The following PCDHGB3 variants were observed in gnomAD, a reference collection of about 807,000 sequenced individuals.
PCDHGB3 encodes the protein protocadherin gamma subfamily B, 3.
A neutral mutation model predicts 59.2 loss-of-function variants in PCDHGB3; 40 were observed. The observed-to-expected ratio is 0.68, with a 90% CI of 0.52 to 0.88. PCDHGB3 has a LOEUF of 0.88. PCDHGB3 is among the 40% of genes least tolerant of loss of function. PCDHGB3 has a pLI of 0.00. For missense variants in PCDHGB3, 1,309 were observed against 1,187.9 expected, an observed-to-expected ratio of 1.10 and a Z score of -1.50; for synonymous variants, 581 against 503.6, an observed-to-expected ratio of 1.15 and a Z score of -2.06.
chr5:141,388,447 G>C (rs775979306), intron 1 of PCDHGB3: 2 of 1,613,802 alleles, frequency 1.2e-6, no homozygotes, highest in Non-Finnish European at 1.7e-6. Flanking sequence ...AAATCAGATG[G>C]CAGTAAATAC....
In PCDHGB3 at chr5:141,431,964, A is replaced by G; in HGVS notation, c.2415+59155A>G. On this transcript the variant is annotated intron_variant, in intron 1 of 3. Coordinates refer to ENST00000576222, the MANE Select transcript of PCDHGB3 (RefSeq NM_018924.5). The surrounding 1 kb of genome is among the most constrained non-coding windows in gnomAD (Gnocchi z 4.8). Reference sequence around the variant, plus strand: ...TTAGAAAAATCTTACGGAAATTACTATAGTTTAGTCACAGACATAGTCTTG... The same window carrying G: ...TTAGAAAAATCTTACGGAAATTACTGTAGTTTAGTCACAGACATAGTCTTG... 2.5e-6 allele frequency: 4 copies of G among 1,614,218 alleles called. No individual in the cohort carries two copies. The highest frequency in any genetic ancestry group is 2.5e-6 in the Non-Finnish European group (3 of 1,180,028).
chr5:141,501,419 C>A (rs910783867), intron 2 of PCDHGB3, among the ~76,000 whole-genome samples: 1 of 151,920 alleles, frequency 6.6e-6, no homozygotes, highest in Non-Finnish European at 1.5e-5. Flanking sequence ...AAATAGTTGA[C>A]TAAATGTAGT....
intron 1 of PCDHGB3, among the ~76,000 whole-genome samples, chr5:141,429,369 G>A (rs1368624471): frequency 6.7e-6 from 1 of 148,994 alleles, no homozygotes; most frequent in Non-Finnish European, 1.5e-5. Context: ...AGAAAATGGA[G>A]AAAATGTGTT....
chr5:141,408,669 C>T lies in PCDHGB3; in HGVS notation c.2415+35860C>T, dbSNP rs2095146839. ...GCTGGTACACGACTATCGCTTGACCCTGCCACGGATCCTGATATAAACATA... is the reference window on the plus strand; with the variant it reads ...GCTGGTACACGACTATCGCTTGACCTTGCCACGGATCCTGATATAAACATA... On this transcript the variant is annotated intron_variant, in intron 1 of 3. Transcript: ENST00000576222. The T allele has an allele frequency of 2.5e-6, 4 of 1,613,988 alleles. No homozygotes were observed. Among genetic ancestry groups the T allele is most frequent in the South Asian group, 2.2e-5 (2 of 91,078 alleles).
At chr5:141,374,619 C>G in intron 1 of PCDHGB3, 2 of 1,613,466 alleles carry the variant, frequency 1.2e-6, no homozygotes, top group Non-Finnish European at 1.7e-6. Flanking sequence ...AGTCACTTCT[C>G]AGTGGACGTG....
chr5:141,393,851 A>T (rs758721118), intron 1 of PCDHGB3: 2 of 1,613,988 alleles, frequency 1.2e-6, no homozygotes, highest in Non-Finnish European at 1.7e-6. Context: ...ATAGACCAGA[A>T]GTGATCATTA....
chr5:141,438,308 C>G (rs2097949954), intron 1 of PCDHGB3, among the ~76,000 whole-genome samples: 1 of 151,766 alleles, frequency 6.6e-6, no homozygotes, highest in Non-Finnish European at 1.5e-5. Context: ...GAAGTTGGTA[C>G]CACCATAATT....
intron 1 of PCDHGB3, chr5:141,413,467 G>C: frequency 1.2e-6 from 2 of 1,614,136 alleles, no homozygotes; most frequent in East Asian, 2.2e-5. Context: ...AGACCGGGAG[G>C]AGCTCTGCGC....
Position 141,429,441 on chromosome 5 carries a change from T to C in PCDHGB3, c.2415+56632T>C, listed in dbSNP as rs541676798. On this transcript the variant is annotated intron_variant, in intron 1 of 3. Transcript: ENST00000576222. ...TGTTGCCCAGGCTGGACTCAAACTCTTGGGCTACAGTAATCCTCCCACCTC... is the reference window on the plus strand; with the variant it reads ...TGTTGCCCAGGCTGGACTCAAACTCCTGGGCTACAGTAATCCTCCCACCTC... 1.5e-4 allele frequency among the ~76,000 whole-genome samples: 23 copies of C among 152,170 alleles called. No individual in the cohort carries two copies. The South Asian group carries it at 4.6e-3, about 30-fold the overall frequency.
At chr5:141,442,029 A>C in intron 1 of PCDHGB3, 1 of 210,292 alleles carries the variant, frequency 4.8e-6, no homozygotes, top group Non-Finnish European at 9.8e-6. Context: ...CAGGAAAGCG[A>C]CTCGCCAGCG....
At chr5:141,415,552 G>A in intron 1 of PCDHGB3, 1 of 1,614,098 alleles carries the variant, frequency 6.2e-7, no homozygotes, top group Admixed American at 1.7e-5. Context: ...TGAGAAAAAC[G>A]ATCCTTTGTC....
intron 1 of PCDHGB3, chr5:141,376,291 C>A (rs780024608): frequency 6.2e-7 from 1 of 1,614,158 alleles, no homozygotes; most frequent in South Asian, 1.1e-5. Flanking sequence ...CGAGCATGCC[C>A]GGCTCGCACT....
chr5:141,495,430 C>T (rs1189953474), intron 2 of PCDHGB3, among the ~76,000 whole-genome samples: 3 of 152,220 alleles, frequency 2.0e-5, no homozygotes, highest in Admixed American at 2.0e-4. Context: ...TCCCACTGTC[C>T]TCTGCCCCTA....
At chr5:141,414,422 G>T (rs369608304) in intron 1 of PCDHGB3, 1 of 1,613,866 alleles carries the variant, frequency 6.2e-7, no homozygotes, top group Non-Finnish European at 8.5e-7. Context: ...GCCCTTGACA[G>T]GGAACAGGTA....
In PCDHGB3 at chr5:141,490,081, T is replaced by A; in HGVS notation, c.2416-4726T>A. Reference sequence around the variant, plus strand: ...CACCAACGGCCAACTAGACTATTCTTTTGGAGACCACACATCTGAGGCAGT... The same window carrying A: ...CACCAACGGCCAACTAGACTATTCTATTGGAGACCACACATCTGAGGCAGT... On this transcript the variant is annotated intron_variant, in intron 1 of 3. Coordinates refer to ENST00000576222, the MANE Select transcript of PCDHGB3 (RefSeq NM_018924.5). The surrounding 1 kb of genome is among the most constrained non-coding windows in gnomAD (Gnocchi z 5.4). 3 of 1,614,216 alleles carry A rather than the reference T, an allele frequency of 1.9e-6. No homozygotes were observed. Among genetic ancestry groups the A allele is most frequent in the Non-Finnish European group, 2.5e-6 (3 of 1,180,040 alleles).
At chr5:141,392,229 TTC>T (rs1184019586) in intron 1 of PCDHGB3, 5 of 152,224 alleles carry the variant, frequency 3.3e-5, no homozygotes, top group Admixed American at 6.5e-5. Context: ...ACAACTGAAG[TTC>T]TTAGTTATTT....
In PCDHGB3 at chr5:141,512,264, C is replaced by G. The variant is rs1453959730; in HGVS notation, c.*1091C>G. 6.5e-6 allele frequency: 1 copy of G among 152,684 alleles called. No homozygotes were observed. The highest frequency in any genetic ancestry group is 1.5e-5 in the Non-Finnish European group (1 of 68,096). 9.5% of individuals were successfully genotyped at this position (152,684 alleles called of 1,614,324 possible). ...GGGGCCTCTGTGGGTGCTGGGTACTCCAGAGGTGCCACTGGTGGAAGGGTC... is the reference window on the plus strand; with the variant it reads ...GGGGCCTCTGTGGGTGCTGGGTACTGCAGAGGTGCCACTGGTGGAAGGGTC... On this transcript the variant is annotated 3_prime_UTR_variant, in exon 4 of 4. Transcript: ENST00000576222.
chr5:141,404,129 A>G (rs753217773), intron 1 of PCDHGB3: 6 of 1,613,162 alleles, frequency 3.7e-6, no homozygotes, highest in Non-Finnish European at 5.1e-6. Context: ...TCTATCTTTT[A>G]CATTAGAAAA....
At chr5:141,457,524 G>A (rs1427291573) in intron 1 of PCDHGB3, among the ~76,000 whole-genome samples, 1 of 152,188 alleles carries the variant, frequency 6.6e-6, no homozygotes, top group African/African-American at 2.4e-5. Context: ...CAATTAATGA[G>A]ACTAGGGTTT....
Sources: allele counts gnomAD v4.1 joint callset (sites outside exome capture counted in the v4.1 genomes callset), GRCh38; gene constraint gnomAD v4.1.1; non-coding constraint Gnocchi (gnomAD v3.1); transcripts MANE v1.5; gene names NCBI Gene and HGNC (gene_info 2026-07-23, HGNC 2026-07-21).